The following FCSK variants were observed in gnomAD, a reference collection of about 807,000 sequenced individuals.
FCSK encodes fucose kinase.
A neutral mutation model predicts 122.5 loss-of-function variants in FCSK; 123 were observed. The observed-to-expected ratio is 1.00, with a 90% confidence interval of 0.87 to 1.17. The LOEUF (loss-of-function observed/expected upper bound fraction) is 1.17. Among genes scored for constraint, FCSK ranks in the 50% most tolerant of loss-of-function variants. The probability of loss-of-function intolerance (pLI) is 0.00; values close to 1 mark genes in which losing one functional copy is unlikely to be tolerated. For synonymous variants in FCSK, 620 were observed against 625.5 expected, an observed-to-expected ratio of 0.99 and a Z score of 0.13; for missense variants, 1,366 against 1,450.4, an observed-to-expected ratio of 0.94 and a Z score of 0.95.
At chr16:70,477,681 A>C (rs1024469387) in intron 20 of FCSK, 2 of 152,234 alleles carry the variant, frequency 1.3e-5, no homozygotes, top group African/African-American at 4.8e-5. Context: ...TCTGACTAAA[A>C]CTCCCCTAGG....
At chr16:70,467,080 G>T in intron 6 of FCSK, 126 bp downstream of exon 6, 1 of 909,382 alleles carries the variant, frequency 1.1e-6, no homozygotes, top group Non-Finnish European at 1.8e-6. Context: ...AAGCTGGAGG[G>T]TGTGGAGAAT....
Position 70,471,003 on chromosome 16 carries a change from G to T in FCSK, c.1101G>T (p.Val367=), listed in dbSNP as rs1051715828. 4.4e-6 allele frequency: 7 copies of T among 1,600,022 alleles called. No homozygotes were observed. The highest frequency in any genetic ancestry group is 1.1e-5 in the South Asian group (1 of 88,986). The change falls in exon 12 of 24, where the codon GTG becomes GTT. Residue 367 remains valine (V), a synonymous_variant. Transcript: ENST00000288078. ...EQQLLAAGSS[V]VSCLLEGPVQ... ...AGCTTCTGGCGGCCGGGAGCTCTGTGGTCAGCTGCCTGCTGGAGGGCCCTG... is the reference window on the plus strand; with the variant it reads ...AGCTTCTGGCGGCCGGGAGCTCTGTTGTCAGCTGCCTGCTGGAGGGCCCTG...
chr16:70,474,182 G>A lies in FCSK; in HGVS notation c.1831G>A (p.Ala611Thr). ...GGCGGCACGGGCACTGGCCTGTGTG[G>A]CGGACGTCCTGGGCTGCATGGCAGA... ...GVAARALACV[A>T]DVLGCMAEGR... is the part of the protein sequence containing the mutation. The change falls in exon 16 of 24, where the codon GCG (alanine) becomes ACG (threonine). Residue 611 changes from alanine to threonine, a missense_variant. Coordinates refer to ENST00000288078, the MANE Select transcript of FCSK (RefSeq NM_145059.3). 1 of 1,564,272 alleles carries A rather than the reference G, an allele frequency of 6.4e-7. No individual in the cohort carries two copies.
chr16:70,468,541 A>T (rs2048500140), intron 8 of FCSK, among the ~76,000 whole-genome samples: 1 of 152,090 alleles, frequency 6.6e-6, no homozygotes, highest in Non-Finnish European at 1.5e-5. Context: ...CTAGAGCCAG[A>T]CTCCGGGAAT....
In FCSK at chr16:70,472,986, CTGGG is replaced by C. The variant is rs1488964098; in HGVS notation, c.1411_1414del (p.Trp471ThrfsTer102). 7 of 1,602,704 alleles carry C rather than the reference CTGGG, an allele frequency of 4.4e-6. No homozygotes were observed. In the African/African-American group the frequency reaches 9.4e-5, roughly 22 times the overall value. ...ATGTGCCTTCTCCCCACATCAGAGC[CTGGG>C]ACCTGTGGGACCCTGAGACGCTGCC... On this transcript the variant is annotated frameshift_variant, in exon 15 of 24. Coordinates refer to ENST00000288078, the MANE Select transcript of FCSK (RefSeq NM_145059.3). LOFTEE classifies it high-confidence loss of function.
intron 6 of FCSK, 71 bp from the exon 7 acceptor site, chr16:70,467,303 T>A: frequency 1.8e-6 from 2 of 1,130,350 alleles, no homozygotes; most frequent in African/African-American, 1.6e-5. Context: ...GGGCTCTTGC[T>A]TCCACCTGGT....
chr16:70,470,890 C>G, intron 11 of FCSK, 81 bp from the exon 12 acceptor site: 1 of 1,292,052 alleles, frequency 7.7e-7, no homozygotes, highest in Non-Finnish European at 1.1e-6. Flanking sequence ...ACGCTTTGCC[C>G]CTGGATGCTT....
intron 18 of FCSK, 49 bp from the exon 19 acceptor site, chr16:70,475,301 C>T (rs1406328723): frequency 1.3e-6 from 2 of 1,597,694 alleles, no homozygotes; most frequent in African/African-American, 1.3e-5. Flanking sequence ...TGGGTGCCTG[C>T]GTCTGCCCAT....
chr16:70,467,554 C>G, intron 7 of FCSK, 83 bp downstream of exon 7: 1 of 1,065,742 alleles, frequency 9.4e-7, no homozygotes, highest in South Asian at 1.4e-5. Flanking sequence ...AGTGGGCAGC[C>G]TCTCATCCTG....
rs745525267 is a variant in FCSK at position 70,467,514 on chromosome 16, C to G, written c.582+43C>G. ...AGTGGAGCCGGCTGGGGCAGCCTTC[C>G]TCCTGTCAGTGGGCAGCCTCCTCCC... On this transcript the variant is annotated intron_variant, in intron 7 of 23. Coordinates refer to ENST00000288078, the MANE Select transcript of FCSK (RefSeq NM_145059.3). 1.4e-5 allele frequency: 21 copies of G among 1,466,212 alleles called. No homozygotes were observed. The African/African-American group carries it at 2.5e-4, about 18-fold the overall frequency. The allele number at this position is 1,466,212 out of a possible 1,614,324, so 90.8% of individuals were successfully genotyped here.
At position 70,473,353 on chromosome 16, in the gene FCSK, G is replaced by C. The variant is rs915685571; in HGVS notation, c.1777G>C (p.Val593Leu). Residue 593 changes from valine (V) to leucine (L), a missense_variant and splice_region_variant, in exon 15 of 24, where the codon GTT becomes CTT. By Grantham distance (32) the Val-to-Leu change is conservative (BLOSUM62 1). Transcript: ENST00000288078. The surrounding 1 kb of genome is among the most constrained non-coding windows in gnomAD (Gnocchi z 4.9). ...PGPLLATLDQ[V>L]AAGAGDPGVA... ...GCCCCTGCTGGCCACGCTGGACCAG[G>C]GTGAGTGTGCAGGCTGGTAGTGCTG... 1.0e-5 allele frequency: 15 copies of C among 1,496,424 alleles called. No homozygotes were observed. Among genetic ancestry groups the C allele is most frequent in the African/African-American group, 1.4e-5 (1 of 71,904 alleles). The allele number at this position is 1,496,424 out of a possible 1,614,324, so 92.7% of individuals were successfully genotyped here. A position where few individuals can be genotyped will look rare whatever the true frequency, so the allele number is the denominator to read the frequency against.
chr16:70,475,220 G>C, intron 18 of FCSK, 130 bp from the exon 19 acceptor site: 1 of 1,132,646 alleles, frequency 8.8e-7, no homozygotes, highest in Middle Eastern at 2.2e-4. Flanking sequence ...CTTGGGGATG[G>C]GGCCAGTACT....
At chr16:70,462,534 C>G (rs1321706546) in intron 1 of FCSK, among the ~76,000 whole-genome samples, 1 of 152,206 alleles carries the variant, frequency 6.6e-6, no homozygotes, top group Non-Finnish European at 1.5e-5. Flanking sequence ...CCATGTTGGC[C>G]AGGCTGGTCT....
chr16:70,463,842 C>T (rs2048338123), intron 3 of FCSK, 68 bp downstream of exon 3: 1 of 1,497,736 alleles, frequency 6.7e-7, no homozygotes, highest in Admixed American at 2.0e-5. Flanking sequence ...TCTGAGATCC[C>T]CAGCTCCTCT....
intron 8 of FCSK, among the ~76,000 whole-genome samples, 183 bp downstream of exon 8, chr16:70,468,149 C>T (rs1210213642): frequency 1.3e-5 from 2 of 152,110 alleles, no homozygotes; most frequent in Non-Finnish European, 1.5e-5. Context: ...CAGGCGGGCA[C>T]GGTGGCTAAC....
intron 10 of FCSK, 108 bp from the exon 11 acceptor site, chr16:70,470,206 A>C: frequency 2.8e-6 from 2 of 721,742 alleles, no homozygotes; most frequent in Non-Finnish European, 4.8e-6. Flanking sequence ...GCTTCCCCTA[A>C]CAGGCTCATG....
rs1567708419 is a variant in FCSK at position 70,473,353 on chromosome 16, GGTGA to G, written c.1777+4_1777+7del. The G allele has an allele frequency of 6.7e-7, 1 of 1,496,542 alleles. No homozygotes were observed. The highest frequency in any genetic ancestry group is 2.5e-5 in the East Asian group (1 of 40,116). 92.7% of individuals were successfully genotyped at this position (1,496,542 alleles called of 1,614,324 possible). On this transcript the variant is annotated splice_donor_variant and splice_donor_region_variant and intron_variant, in intron 15 of 23. Transcript: ENST00000288078. LOFTEE classifies it high-confidence loss of function. This position sits in a 1 kb window ranked among gnomAD's most constrained non-coding sequence, Gnocchi z 4.9. ...GCCCCTGCTGGCCACGCTGGACCAG[GGTGA>G]GTGTGCAGGCTGGTAGTGCTGCAGA... is the stretch of plus-strand genomic sequence containing the variant.
At position 70,467,437 on chromosome 16, in the gene FCSK, CT is replaced by C. The variant is rs1567699779; in HGVS notation, c.549del (p.Gln184ArgfsTer7). On this transcript the variant is annotated frameshift_variant, in exon 7 of 24. Transcript: ENST00000288078. LOFTEE classifies it high-confidence loss of function. ...GCCCTCCCAGGGAGCCCGGCCTACG[CT>C]CAGAATCATGGCGTCTACCTAACTG... The part of the protein sequence containing the change: ...VIALPGSPAY[A>X]QNHGVYLTDP... 1 of 1,609,720 alleles carries C rather than the reference CT, an allele frequency of 6.2e-7. No individual in the cohort carries two copies. The highest frequency in any genetic ancestry group is 8.5e-7 in the Non-Finnish European group (1 of 1,178,386).
Position 70,479,085 on chromosome 16 carries a change from C to T in FCSK, c.2930-95C>T, listed in dbSNP as rs2048914048. 1.2e-5 allele frequency: 12 copies of T among 965,384 alleles called. No individual in the cohort carries two copies. The South Asian group carries it at 1.4e-4, about 11-fold the overall frequency. 59.8% of individuals were successfully genotyped at this position (965,384 alleles called of 1,614,324 possible). On this transcript the variant is annotated intron_variant, in intron 22 of 23. Transcript: ENST00000288078. ...GGAATCCGGCTTCTTTACCATGACA[C>T]TGGCTCAGCAGCACGTCTTGGCACT...
Sources: allele counts gnomAD v4.1 joint callset (sites outside exome capture counted in the v4.1 genomes callset), GRCh38; gene constraint gnomAD v4.1.1; non-coding constraint Gnocchi (gnomAD v3.1); transcripts MANE v1.5; gene names NCBI Gene and HGNC (gene_info 2026-07-23, HGNC 2026-07-21).